Variants in ERC2 observed in about 807,000 individuals in gnomAD.
The protein encoded by ERC2 is ERC protein 2.
A neutral mutation model predicts 114.8 loss-of-function variants in ERC2; 42 were observed. The ratio of observed to expected loss-of-function variants is 0.37; its 90% confidence interval spans 0.29 to 0.47. The LOEUF is 0.47. Among genes scored for constraint, ERC2 ranks in the 20% least tolerant of loss-of-function variants. The pLI is 0.99. For missense variants in ERC2, 939 were observed against 1,150.7 expected (o/e 0.82, Z 2.66); for synonymous variants, 454 against 425.5 (o/e 1.07, Z -0.82).
intron 2 of ERC2, among the ~76,000 whole-genome samples, chr3:56,399,977 A>C (rs1000012398): frequency 6.6e-6 from 1 of 152,128 alleles, no homozygotes; most frequent in African/African-American, 2.4e-5. Context: ...AATATTAACC[A>C]ACACAATGTG....
intron 3 of ERC2, among the ~76,000 whole-genome samples, chr3:56,279,812 G>A (rs551948915): frequency 4.6e-4 from 70 of 152,298 alleles, no homozygotes; most frequent in African/African-American, 1.6e-3. Flanking sequence ...GGAAATGAAA[G>A]AACTTAGGCA....
At chr3:55,645,845 C>T (rs558632261) in intron 17 of ERC2, among the ~76,000 whole-genome samples, 1 of 152,080 alleles carries the variant, frequency 6.6e-6, no homozygotes, top group Non-Finnish European at 1.5e-5. Flanking sequence ...AAGGGAAAAC[C>T]AAGGTGAATC....
intron 17 of ERC2, among the ~76,000 whole-genome samples, chr3:55,575,206 C>CG (rs1194538461): frequency 6.6e-6 from 1 of 152,008 alleles, no homozygotes; most frequent in East Asian, 1.9e-4. Context: ...TTAGTAGAGA[C>CG]GGGGTTTCAC....
At chr3:55,600,163 G>A (rs2058332540) in intron 17 of ERC2, among the ~76,000 whole-genome samples, 1 of 152,184 alleles carries the variant, frequency 6.6e-6, no homozygotes, top group African/African-American at 2.4e-5. Context: ...GGGACAACAT[G>A]ATAGATATGG....
intron 13 of ERC2, among the ~76,000 whole-genome samples, chr3:55,921,788 A>G (rs2065445588): frequency 6.6e-6 from 1 of 152,148 alleles, no homozygotes; most frequent in South Asian, 2.1e-4. Context: ...ATTATGTGCA[A>G]TTGGGAACAT....
At chr3:56,088,025 C>A (rs534001894) in intron 6 of ERC2, among the ~76,000 whole-genome samples, 4 of 152,120 alleles carry the variant, frequency 2.6e-5, no homozygotes, top group African/African-American at 7.2e-5. Context: ...ACTTCTCAGG[C>A]GCCTTTTGGG....
At chr3:56,168,647 T>C (rs2082450740) in intron 4 of ERC2, among the ~76,000 whole-genome samples, 1 of 152,294 alleles carries the variant, frequency 6.6e-6, no homozygotes, top group East Asian at 1.9e-4. Flanking sequence ...TGCGAAGTAG[T>C]AGTTCTTGAC....
chr3:56,075,514 G>T (rs1243453574), intron 7 of ERC2, among the ~76,000 whole-genome samples: 1 of 152,142 alleles, frequency 6.6e-6, no homozygotes, highest in East Asian at 1.9e-4. Flanking sequence ...GCTTAAGGTA[G>T]CCAGAAGTGG....
At chr3:55,613,838 C>T (rs1354325191) in intron 17 of ERC2, among the ~76,000 whole-genome samples, 1 of 151,874 alleles carries the variant, frequency 6.6e-6, no homozygotes, top group Admixed American at 6.6e-5. Flanking sequence ...AAAAAATCAG[C>T]TGGGTGTGGT....
chr3:55,851,752 TGA>T (rs2061582594), intron 14 of ERC2, among the ~76,000 whole-genome samples: 1 of 148,374 alleles, frequency 6.7e-6, no homozygotes, highest in African/African-American at 2.5e-5. Context: ...CAAAACTGCA[TGA>T]GAAAAAAAAA....
At chr3:55,775,631 T>G (rs1559635751) in intron 14 of ERC2, among the ~76,000 whole-genome samples, 4 of 151,454 alleles carry the variant, frequency 2.6e-5, no homozygotes, top group African/African-American at 9.7e-5. Context: ...AGATAGATAA[T>G]AGACAGACAG....
At chr3:56,241,513 C>G (rs7627149) in intron 3 of ERC2, among the ~76,000 whole-genome samples, 26 of 151,992 alleles carry the variant, frequency 1.7e-4, no homozygotes, top group African/African-American at 6.3e-4. Context: ...AAAAATAAAA[C>G]TACCATTCAA....
chr3:55,759,474 A>C (rs987187029), intron 14 of ERC2, among the ~76,000 whole-genome samples: 45 of 100,490 alleles, frequency 4.5e-4, no homozygotes, highest in African/African-American at 1.8e-3. Context: ...AAAAAAAAAA[A>C]AAAAAAAAAA....
chr3:56,136,096 C>A (rs1275334110), intron 6 of ERC2, among the ~76,000 whole-genome samples: 1 of 152,152 alleles, frequency 6.6e-6, no homozygotes, highest in Non-Finnish European at 1.5e-5. Flanking sequence ...TTCAAACAAA[C>A]CAACCAAAGA....
intron 1 of ERC2, among the ~76,000 whole-genome samples, chr3:56,457,866 G>A (rs570783413): frequency 1.3e-5 from 2 of 152,184 alleles, no homozygotes; most frequent in South Asian, 4.2e-4. Context: ...ACTTTCTTCA[G>A]GAAGCCTTCC....
intron 17 of ERC2, among the ~76,000 whole-genome samples, chr3:55,654,403 TG>T (rs1265099788): frequency 3.9e-5 from 6 of 152,270 alleles, no homozygotes; most frequent in Admixed American, 1.3e-4. Context: ...CTGACTTTCT[TG>T]TTTCAGAGCT....
intron 1 of ERC2, among the ~76,000 whole-genome samples, chr3:56,464,719 T>A (rs55801834): frequency 0.34 from 51,157 of 151,954 alleles, 8,834 homozygotes; most frequent in Middle Eastern, 0.42. Flanking sequence ...ATATTGGTGC[T>A]TTTCTGTGCT....
intron 3 of ERC2, among the ~76,000 whole-genome samples, chr3:56,256,767 G>A (rs981636726): frequency 6.6e-6 from 1 of 152,158 alleles, no homozygotes; most frequent in Non-Finnish European, 1.5e-5. Flanking sequence ...GTTCTCATGA[G>A]ATCTGATGGT....
intron 13 of ERC2, among the ~76,000 whole-genome samples, chr3:55,902,912 A>G (rs2064220239): frequency 6.6e-6 from 1 of 152,230 alleles, no homozygotes; most frequent in Admixed American, 6.5e-5. Flanking sequence ...CCACTCCTAT[A>G]AAAACAACCA....
Sources: gnomAD v4.1 joint callset for allele counts (sites outside exome capture counted in the v4.1 genomes callset) on GRCh38, gnomAD v4.1.1 for gene constraint, MANE v1.5 for transcripts, NCBI Gene and HGNC (gene_info 2026-07-23, HGNC 2026-07-21) for gene names.